Variants in HIVEP2 observed in about 807,000 individuals in gnomAD.
HIVEP2 encodes the protein HIVEP zinc finger 2.
In HIVEP2, 14 loss-of-function variants were observed where a neutral mutation model predicts 180.7. The observed-to-expected ratio is 0.08, with a 90% CI of 0.05 to 0.12. HIVEP2 has a LOEUF of 0.12. Ranked by LOEUF, HIVEP2 falls within the 10% of genes least tolerant of loss-of-function variation. The pLI is 1.00. For synonymous variants in HIVEP2, 1,184 were observed against 1,136.4 expected (o/e 1.04, Z -0.84); for missense variants, 2,579 against 3,008.5 (o/e 0.86, Z 3.34).
In HIVEP2 at chr6:142,867,645, A is replaced by G. The variant is rs564214565; in HGVS notation, c.-640-30598T>C. ...GAGACGAGATGACATAAAGCTGTGA[A>G]TGTTGGACATGGCTCTTATAAAGTT... On this transcript the variant is annotated intron_variant, in intron 1 of 9. Coordinates refer to ENST00000367603, the MANE Select transcript of HIVEP2 (RefSeq NM_006734.4). Among the ~76,000 whole-genome samples, 62 of 152,346 alleles carry G rather than the reference A, an allele frequency of 4.1e-4. No homozygotes were observed. In the Middle Eastern group the frequency reaches 0.02, roughly 50 times the overall value.
chr6:142,801,413 CAAAAAAAAAAA>C (rs10569495), intron 2 of HIVEP2, among the ~76,000 whole-genome samples: 1 of 102,878 alleles, frequency 9.7e-6, no homozygotes, highest in Non-Finnish European at 2.0e-5. Flanking sequence ...GACTCTGTCT[CAAAAAAAAAAA>C]AAAAAAAAAA....
chr6:142,846,346 G>A lies in HIVEP2; in HGVS notation c.-640-9299C>T, dbSNP rs576419347. Among the ~76,000 whole-genome samples, 9 of 152,072 alleles carry A rather than the reference G, an allele frequency of 5.9e-5. No individual in the cohort carries two copies. In the South Asian group the frequency reaches 1.9e-3, roughly 32 times the overall value. ...TGTCTGCAAAGGCAGACACCACAAC[G>A]CAAGCTTAATGCACTCTGGTCCTTC... is the stretch of plus-strand genomic sequence containing the variant. On this transcript the variant is annotated intron_variant, in intron 1 of 9. Coordinates refer to ENST00000367603, the MANE Select transcript of HIVEP2 (RefSeq NM_006734.4).
intron 9 of HIVEP2, among the ~76,000 whole-genome samples, chr6:142,759,258 G>T (rs553754187): frequency 1.3e-5 from 2 of 151,994 alleles, no homozygotes; most frequent in Non-Finnish European, 2.9e-5. Context: ...AGCCAAAGTC[G>T]TGCCACTGCA....
chr6:142,930,526 A>T (rs1236363674), intron 1 of HIVEP2, among the ~76,000 whole-genome samples: 2 of 152,206 alleles, frequency 1.3e-5, no homozygotes, highest in African/African-American at 2.4e-5. Flanking sequence ...CCTGTAACTG[A>T]GACAGTCCCA....
rs1194053148 is a variant in HIVEP2 at position 142,774,741 on chromosome 6, T to C, written c.-3A>G. The C allele has an allele frequency of 1.2e-6, 2 of 1,613,178 alleles. No homozygotes were observed. The highest frequency in any genetic ancestry group is 2.2e-5 in the East Asian group (1 of 44,880). ...AGAGCTGTGTCCCCAGTGTCCATTTTGTTACACAAGGTCTTAAGTGCTAGT... is the reference window on the plus strand; with the variant it reads ...AGAGCTGTGTCCCCAGTGTCCATTTCGTTACACAAGGTCTTAAGTGCTAGT... On this transcript the variant is annotated 5_prime_UTR_variant, in exon 5 of 10. Transcript: ENST00000367603. This position sits in a 1 kb window ranked among gnomAD's most constrained non-coding sequence, Gnocchi z 5.1.
intron 1 of HIVEP2, among the ~76,000 whole-genome samples, chr6:142,941,972 G>A (rs887611286): frequency 6.6e-6 from 1 of 152,136 alleles, no homozygotes; most frequent in African/African-American, 2.4e-5. Context: ...AATAGGAGAT[G>A]AGCAGCCTGT....
chr6:142,768,926 T>C (rs1450533733), intron 5 of HIVEP2, among the ~76,000 whole-genome samples: 1 of 152,166 alleles, frequency 6.6e-6, no homozygotes, highest in Non-Finnish European at 1.5e-5. Flanking sequence ...CTGATAAAAG[T>C]GAAAACATAT....
chr6:142,821,639 G>A (rs1173355177), intron 2 of HIVEP2, among the ~76,000 whole-genome samples: 1 of 152,156 alleles, frequency 6.6e-6, no homozygotes, highest in African/African-American at 2.4e-5. Flanking sequence ...TGATATTTCA[G>A]GTATCTATTA....
In HIVEP2 at chr6:142,774,904, T is replaced by A; in HGVS notation, c.-166A>T. ...GGAACCTTCCACACGCACACCACAGTCGATGGGCATTAGCTAGTAATGTCC... is the reference window on the plus strand; with the variant it reads ...GGAACCTTCCACACGCACACCACAGACGATGGGCATTAGCTAGTAATGTCC... On this transcript the variant is annotated 5_prime_UTR_variant, in exon 5 of 10. Coordinates refer to ENST00000367603, the MANE Select transcript of HIVEP2 (RefSeq NM_006734.4). The surrounding 1 kb of genome is among the most constrained non-coding windows in gnomAD (Gnocchi z 5.1). The A allele has an allele frequency of 1.4e-6, 2 of 1,478,134 alleles. No individual in the cohort carries two copies. Among genetic ancestry groups the A allele is most frequent in the Non-Finnish European group, 1.8e-6 (2 of 1,122,918 alleles). The allele number at this position is 1,478,134 out of a possible 1,614,324, so 91.6% of individuals were successfully genotyped here.
chr6:142,862,012 C>T (rs760266214), intron 1 of HIVEP2, among the ~76,000 whole-genome samples: 12 of 152,008 alleles, frequency 7.9e-5, no homozygotes, highest in Admixed American at 1.3e-4. Context: ...AGTTTTATAC[C>T]GTTACTTAAA....
chr6:142,807,887 G>C (rs1474597451), intron 2 of HIVEP2, among the ~76,000 whole-genome samples: 1 of 152,120 alleles, frequency 6.6e-6, no homozygotes, highest in Non-Finnish European at 1.5e-5. Flanking sequence ...CAAGATCAAG[G>C]CCAGCTGTAG....
intron 1 of HIVEP2, among the ~76,000 whole-genome samples, chr6:142,844,304 T>G (rs571301391): frequency 1.3e-5 from 2 of 151,940 alleles, no homozygotes; most frequent in African/African-American, 4.8e-5. Context: ...TTTTTTTTTT[T>G]AATGAAGAGA....
At chr6:142,757,309 A>G (rs1175892882) in intron 9 of HIVEP2, among the ~76,000 whole-genome samples, 4 of 152,240 alleles carry the variant, frequency 2.6e-5, no homozygotes, top group Non-Finnish European at 5.9e-5. Context: ...AAAGAGAATT[A>G]AACTGGGTAA....
intron 1 of HIVEP2, among the ~76,000 whole-genome samples, chr6:142,842,159 T>C (rs573160071): frequency 6.6e-6 from 1 of 152,288 alleles, no homozygotes; most frequent in Non-Finnish European, 1.5e-5. Flanking sequence ...GCTAGAGCCC[T>C]CCTCCTTCCC....
intron 7 of HIVEP2, among the ~76,000 whole-genome samples, chr6:142,761,909 C>G (rs1285316531): frequency 6.6e-6 from 1 of 152,182 alleles, no homozygotes; most frequent in Non-Finnish European, 1.5e-5. Flanking sequence ...AATACACCAG[C>G]CTCCTGGGAC....
intron 1 of HIVEP2, among the ~76,000 whole-genome samples, chr6:142,869,592 C>A (rs1776238097): frequency 6.6e-6 from 1 of 152,062 alleles, no homozygotes; most frequent in African/African-American, 2.4e-5. Context: ...CGTCTTAACT[C>A]ACTTGATTTT....
intron 2 of HIVEP2, among the ~76,000 whole-genome samples, chr6:142,809,718 C>A (rs1044559735): frequency 5.3e-5 from 8 of 152,004 alleles, no homozygotes; most frequent in African/African-American, 1.9e-4. Context: ...CTCAGCCTCC[C>A]AAGTATCTGG....
chr6:142,838,462 C>G (rs960571914), intron 1 of HIVEP2, among the ~76,000 whole-genome samples: 4 of 152,142 alleles, frequency 2.6e-5, no homozygotes, highest in African/African-American at 9.7e-5. Context: ...GAACAATGAA[C>G]TGCAAAATGA....
At chr6:142,835,489 T>A (rs1191425720) in intron 2 of HIVEP2, among the ~76,000 whole-genome samples, 1 of 152,166 alleles carries the variant, frequency 6.6e-6, no homozygotes, top group Non-Finnish European at 1.5e-5. Flanking sequence ...GACATTTAAG[T>A]TAGTGGTTCA....
Sources: gnomAD v4.1 joint callset for allele counts (sites outside exome capture counted in the v4.1 genomes callset) on GRCh38, gnomAD v4.1.1 for gene constraint, Gnocchi (gnomAD v3.1) non-coding constraint, MANE v1.5 for transcripts, NCBI Gene and HGNC (gene_info 2026-07-23, HGNC 2026-07-21) for gene names.